The following DLGAP2 variants were observed in gnomAD, a reference collection of about 807,000 sequenced individuals.
The protein encoded by DLGAP2 is DLG associated protein 2, also known as disks large-associated protein 2.
A neutral mutation model predicts 100.3 loss-of-function variants in DLGAP2; 26 were observed. The observed-to-expected ratio is 0.26, with a 90% CI of 0.19 to 0.36. The LOEUF (loss-of-function observed/expected upper bound fraction) is 0.36. Ranked by LOEUF, DLGAP2 falls within the 10% of genes least tolerant of loss-of-function variation. The probability of loss-of-function intolerance (pLI) is 1.00; values close to 1 mark genes in which losing one functional copy is unlikely to be tolerated. For missense variants in DLGAP2, 1,858 were observed against 1,453.2 expected (o/e 1.28, Z -4.53); for synonymous variants, 886 against 630.1 (o/e 1.41, Z -6.08).
intron 1 of DLGAP2, among the ~76,000 whole-genome samples, chr8:875,688 T>G (rs186873410): frequency 2.0e-5 from 3 of 152,234 alleles, no homozygotes; most frequent in African/African-American, 4.8e-5. Context: ...TATAGTCTCA[T>G]ACCTTTTTTA....
chr8:860,853 C>G (rs1797375626), intron 1 of DLGAP2, among the ~76,000 whole-genome samples: 1 of 152,050 alleles, frequency 6.6e-6, no homozygotes, highest in African/African-American at 2.4e-5. Flanking sequence ...TAATATCATA[C>G]CAAATCATGA....
At chr8:1,023,348 G>A (rs533435387) in intron 2 of DLGAP2, among the ~76,000 whole-genome samples, 3 of 152,076 alleles carry the variant, frequency 2.0e-5, no homozygotes, top group African/African-American at 7.2e-5. Context: ...TCTCTCTGTA[G>A]CAATATGTAG....
chr8:1,054,196 G>T (rs1202582377), intron 2 of DLGAP2, among the ~76,000 whole-genome samples: 1 of 151,888 alleles, frequency 6.6e-6, no homozygotes, highest in Admixed American at 6.6e-5. Context: ...GTACACGCAC[G>T]CACACACAGA....
chr8:1,054,951 A>G (rs1040125016), intron 2 of DLGAP2, among the ~76,000 whole-genome samples: 4 of 152,246 alleles, frequency 2.6e-5, no homozygotes, highest in African/African-American at 7.2e-5. Context: ...GCACACAAAA[A>G]TAGTTTTTCC....
intron 3 of DLGAP2, among the ~76,000 whole-genome samples, chr8:1,387,840 G>T (rs1796254898): frequency 6.6e-6 from 1 of 152,212 alleles, no homozygotes; most frequent in African/African-American, 2.4e-5. Context: ...CAGGAGGCCA[G>T]TGATGTCAGT....
intron 3 of DLGAP2, among the ~76,000 whole-genome samples, chr8:1,409,916 G>A (rs1190697757): frequency 1.3e-5 from 2 of 152,190 alleles, no homozygotes; most frequent in Non-Finnish European, 2.9e-5. Flanking sequence ...CTCCAGCTGT[G>A]GGGCTTCTCA....
chr8:964,348 T>G (rs1413800492), intron 2 of DLGAP2, among the ~76,000 whole-genome samples: 1 of 152,268 alleles, frequency 6.6e-6, no homozygotes, highest in Non-Finnish European at 1.5e-5. Flanking sequence ...TGTACTGTCG[T>G]GGACTCTGCT....
At chr8:1,226,075 G>A (rs1007293397) in intron 2 of DLGAP2, among the ~76,000 whole-genome samples, 7 of 151,714 alleles carry the variant, frequency 4.6e-5, no homozygotes, top group African/African-American at 1.7e-4. Flanking sequence ...CTAATAAGGG[G>A]GTAATATCCA....
intron 2 of DLGAP2, among the ~76,000 whole-genome samples, chr8:949,289 G>T (rs1481106013): frequency 6.6e-6 from 1 of 152,198 alleles, no homozygotes; most frequent in Non-Finnish European, 1.5e-5. Context: ...TCAGGCACAG[G>T]TGCGGACCAG....
chr8:1,590,057 G>T (rs926096793), intron 6 of DLGAP2, among the ~76,000 whole-genome samples: 1 of 152,146 alleles, frequency 6.6e-6, no homozygotes. Flanking sequence ...CCCTCCTTCC[G>T]CCTCAGTGTC....
At chr8:1,446,946 T>A (rs1255907207) in intron 3 of DLGAP2, among the ~76,000 whole-genome samples, 1 of 152,222 alleles carries the variant, frequency 6.6e-6, no homozygotes, top group Non-Finnish European at 1.5e-5. Context: ...TGATTTTGTA[T>A]CCTGAGACTT....
chr8:1,431,262 G>A (rs1797425760), intron 3 of DLGAP2, among the ~76,000 whole-genome samples: 1 of 152,190 alleles, frequency 6.6e-6, no homozygotes, highest in African/African-American at 2.4e-5. Flanking sequence ...TTATGTGTAA[G>A]TCCCGATTCA....
intron 2 of DLGAP2, among the ~76,000 whole-genome samples, chr8:1,114,779 G>T (rs936563946): frequency 2.6e-5 from 4 of 151,980 alleles, no homozygotes; most frequent in African/African-American, 9.7e-5. Context: ...TCTTTTAATT[G>T]TGATGTTAGG....
intron 2 of DLGAP2, among the ~76,000 whole-genome samples, chr8:1,128,702 T>G (rs538978217): frequency 6.6e-6 from 1 of 152,354 alleles, no homozygotes; most frequent in East Asian, 1.9e-4. Flanking sequence ...CTACTTGGTA[T>G]TTTATATACT....
intron 2 of DLGAP2, among the ~76,000 whole-genome samples, chr8:1,208,010 G>A (rs1191680416): frequency 3.3e-5 from 5 of 152,180 alleles, no homozygotes; most frequent in Non-Finnish European, 7.3e-5. Flanking sequence ...CTCCCACTCG[G>A]TGGGTTGTCT....
At chr8:1,469,925 G>C (rs1798731938) in intron 3 of DLGAP2, among the ~76,000 whole-genome samples, 1 of 151,944 alleles carries the variant, frequency 6.6e-6, no homozygotes, top group Non-Finnish European at 1.5e-5. Flanking sequence ...GGAGGCTGAG[G>C]CAGGAGGATT....
At chr8:917,586 CT>C (rs1798621536) in intron 2 of DLGAP2, among the ~76,000 whole-genome samples, 1 of 151,742 alleles carries the variant, frequency 6.6e-6, no homozygotes, top group Admixed American at 6.6e-5. Context: ...CCAGAATATT[CT>C]TTTGTTGTTG....
At chr8:1,697,415 A>C in intron 14 of DLGAP2, 116 bp downstream of exon 14, 1 of 1,425,550 alleles carries the variant, frequency 7.0e-7, no homozygotes, top group South Asian at 1.4e-5. Context: ...GCAACACACG[A>C]GCAAATTTCC....
At chr8:1,325,180 C>T (rs190478391) in intron 3 of DLGAP2, among the ~76,000 whole-genome samples, 84 of 152,252 alleles carry the variant, frequency 5.5e-4, no homozygotes, top group African/African-American at 1.8e-3. Context: ...GCTGGTGTAG[C>T]GGATGGTCTT....
Sources: allele counts gnomAD v4.1 joint callset (sites outside exome capture counted in the v4.1 genomes callset), GRCh38; gene constraint gnomAD v4.1.1; transcripts MANE v1.5; gene names NCBI Gene and HGNC (gene_info 2026-07-23, HGNC 2026-07-21).